The following MYO10 variants were observed in gnomAD, a reference collection of about 807,000 sequenced individuals.
MYO10 encodes the protein myosin X, also known as unconventional myosin-X.
MYO10 carries 133 observed loss-of-function variants against 257.3 expected under a neutral mutation model. That is an observed-to-expected ratio of 0.52 (90% CI 0.45 to 0.60). The LOEUF (loss-of-function observed/expected upper bound fraction) is 0.60, where lower values mean the gene tolerates loss of function less well. Ranked by LOEUF, MYO10 falls within the 20% of genes least tolerant of loss-of-function variation. The pLI is 0.00. For missense variants in MYO10, 2,399 were observed against 2,635.7 expected (o/e 0.91, Z 1.97); for synonymous variants, 1,104 against 1,028.6 (o/e 1.07, Z -1.40).
chr5:16,722,591 G>A (rs1432294975), intron 19 of MYO10, among the ~76,000 whole-genome samples: 4 of 152,212 alleles, frequency 2.6e-5, no homozygotes, highest in Non-Finnish European at 5.9e-5. Flanking sequence ...ATTAGAGAAA[G>A]GATAGTCTTT....
At chr5:16,785,220 GT>G (rs1741543707) in intron 4 of MYO10, among the ~76,000 whole-genome samples, 1 of 152,152 alleles carries the variant, frequency 6.6e-6, no homozygotes. Context: ...TTTAGTTGGG[GT>G]TTCCCTTACC....
At chr5:16,796,458 A>AAG (rs1254536016) in intron 3 of MYO10, among the ~76,000 whole-genome samples, 2 of 97,292 alleles carry the variant, frequency 2.1e-5, no homozygotes, top group African/African-American at 7.4e-5. Context: ...GAAAGAAAGA[A>AAG]AGAAAGAAAG....
intron 19 of MYO10, among the ~76,000 whole-genome samples, chr5:16,721,479 C>T (rs968672299): frequency 2.0e-5 from 3 of 149,082 alleles, no homozygotes; most frequent in Non-Finnish European, 4.5e-5. Flanking sequence ...TAAACACTTA[C>T]ACAGTGGTTG....
chr5:16,889,778 G>C (rs2562341), intron 1 of MYO10, among the ~76,000 whole-genome samples: 54,660 of 151,196 alleles, frequency 0.36, 10,421 homozygotes, highest in Admixed American at 0.45. Flanking sequence ...GGACAGAAAG[G>C]GCAATAAAAG....
chr5:16,695,100 G>C (rs1018578609), intron 26 of MYO10, among the ~76,000 whole-genome samples: 1 of 152,160 alleles, frequency 6.6e-6, no homozygotes. Context: ...TTGGGAGGCC[G>C]AGGCGGGTGG....
At chr5:16,771,870 C>T (rs1219812376) in intron 9 of MYO10, among the ~76,000 whole-genome samples, 2 of 150,128 alleles carry the variant, frequency 1.3e-5, no homozygotes, top group Non-Finnish European at 3.0e-5. Flanking sequence ...CATGAGCCAC[C>T]GTGCCCAGCC....
chr5:16,872,205 C>A (rs1007860513), intron 2 of MYO10, among the ~76,000 whole-genome samples: 1 of 152,132 alleles, frequency 6.6e-6, no homozygotes, highest in African/African-American at 2.4e-5. Context: ...GAGCTAGGAG[C>A]CTTTGTCAGA....
rs1736017170 is a variant in MYO10, at chr5:16,662,395, C to T, written c.*4297G>A. On this transcript the variant is annotated 3_prime_UTR_variant, in exon 41 of 41. Transcript: ENST00000513610. The stretch of plus-strand genomic sequence containing the variant: ...CCAGAATGCAGTGGCACCATCATGG[C>T]TCCCTGCAGCTTTGACCTCCTGGGT... The T allele has an allele frequency of 7.1e-6, 1 of 139,954 alleles. No homozygotes were observed. The highest frequency in any genetic ancestry group is 2.4e-4 in the South Asian group (1 of 4,254). 8.7% of individuals were successfully genotyped at this position (139,954 alleles called of 1,614,324 possible). A position where few individuals can be genotyped will look rare whatever the true frequency, so the allele number is the denominator to read the frequency against.
At chr5:16,883,759 T>C (rs1330158268) in intron 1 of MYO10, among the ~76,000 whole-genome samples, 1 of 152,234 alleles carries the variant, frequency 6.6e-6, no homozygotes, top group East Asian at 1.9e-4. Context: ...TTAAAAACTA[T>C]TACATTTCTC....
chr5:16,709,098 G>A (rs1183845900), intron 21 of MYO10, among the ~76,000 whole-genome samples: 1 of 152,200 alleles, frequency 6.6e-6, no homozygotes, highest in East Asian at 1.9e-4. Context: ...AAGACAACAG[G>A]ACAGCATATG....
At chr5:16,681,211 A>C in intron 32 of MYO10, 98 bp downstream of exon 32, 1 of 1,288,714 alleles carries the variant, frequency 7.8e-7, no homozygotes, top group Non-Finnish European at 1.1e-6. Context: ...TTTGGGGGGA[A>C]ATAAAGTACA....
At chr5:16,878,653 TAA>T (rs1032798751) in intron 1 of MYO10, among the ~76,000 whole-genome samples, 9 of 152,098 alleles carry the variant, frequency 5.9e-5, no homozygotes, top group African/African-American at 2.2e-4. Flanking sequence ...TACTCAGCCA[TAA>T]AAAGGAATGA....
intron 36 of MYO10, among the ~76,000 whole-genome samples, chr5:16,673,178 G>C (rs1206831671): frequency 2.7e-5 from 4 of 146,266 alleles, no homozygotes; most frequent in African/African-American, 1.0e-4. Flanking sequence ...GAACAACAGA[G>C]ACTCCAGATG....
intron 4 of MYO10, among the ~76,000 whole-genome samples, chr5:16,787,423 G>A (rs1741618026): frequency 6.6e-6 from 1 of 152,016 alleles, no homozygotes; most frequent in Non-Finnish European, 1.5e-5. Flanking sequence ...GACTCTGCAG[G>A]TAGTACATTT....
chr5:16,761,966 C>A, intron 16 of MYO10, 79 bp downstream of exon 16: 1 of 1,390,762 alleles, frequency 7.2e-7, no homozygotes, highest in Non-Finnish European at 9.6e-7. Context: ...CCAATAAATT[C>A]ATGATTGGCT....
chr5:16,877,757 G>A (rs751086887), intron 1 of MYO10, 50 bp from the exon 2 acceptor site: 1 of 1,456,178 alleles, frequency 6.9e-7, no homozygotes, highest in Non-Finnish European at 9.6e-7. Flanking sequence ...GCATTTTGTG[G>A]CGAAACTGTA....
intron 1 of MYO10, among the ~76,000 whole-genome samples, chr5:16,892,803 A>G (rs954627100): frequency 1.3e-5 from 2 of 152,150 alleles, no homozygotes; most frequent in African/African-American, 4.8e-5. Flanking sequence ...CTTGCTACAG[A>G]ACCAAAGAAT....
At chr5:16,847,721 C>T (rs112301796) in intron 2 of MYO10, among the ~76,000 whole-genome samples, 2 of 151,812 alleles carry the variant, frequency 1.3e-5, no homozygotes, top group Admixed American at 1.3e-4. Flanking sequence ...CACAGTGAGA[C>T]CCTGTCTCAA....
chr5:16,818,416 A>ATATG (rs2126705253), intron 2 of MYO10, among the ~76,000 whole-genome samples: 1 of 147,428 alleles, frequency 6.8e-6, no homozygotes, highest in African/African-American at 2.6e-5. Flanking sequence ...GTGTGTATAT[A>ATATG]TATATATATA....
Sources: allele counts gnomAD v4.1 joint callset (sites outside exome capture counted in the v4.1 genomes callset), GRCh38; gene constraint gnomAD v4.1.1; transcripts MANE v1.5; gene names NCBI Gene and HGNC (gene_info 2026-07-23, HGNC 2026-07-21).